The following CFAP299 variants were observed in gnomAD, a reference collection of about 807,000 sequenced individuals.
The protein encoded by CFAP299 is cilia- and flagella-associated protein 299.
In CFAP299, 21 loss-of-function variants were observed where a neutral mutation model predicts 27.0. The ratio of observed to expected loss-of-function variants is 0.78; its 90% CI spans 0.55 to 1.12. The LOEUF (loss-of-function observed/expected upper bound fraction) is 1.12, where lower values mean the gene tolerates loss of function less well. Among genes scored for constraint, CFAP299 ranks in the 50% most tolerant of loss-of-function variants. The pLI is 0.00. For missense variants in CFAP299, 310 were observed against 276.6 expected, an observed-to-expected ratio of 1.12 and a Z score of -0.86; for synonymous variants, 104 against 98.1, an observed-to-expected ratio of 1.06 and a Z score of -0.36.
At chr4:80,731,255 G>A (rs1315682919) in intron 3 of CFAP299, among the ~76,000 whole-genome samples, 33 of 152,130 alleles carry the variant, frequency 2.2e-4, no homozygotes, top group Admixed American at 1.4e-3. Context: ...AAGCTGGTAC[G>A]AGGGGGTCCC....
rs141418681 is a variant in CFAP299 at position 80,415,744 on chromosome 4, A to C, written c.242+52860A>C. Among the ~76,000 whole-genome samples, 355 of 152,284 alleles carry C rather than the reference A, an allele frequency of 2.3e-3. 2 individuals carry two copies. Among genetic ancestry groups the C allele is most frequent in the African/African-American group, 7.8e-3 (323 of 41,578 alleles). On this transcript the variant is annotated intron_variant, in intron 2 of 5. Transcript: ENST00000358105. ...AAAACAAACTAAAATCCCACTGTCC[A>C]ATTTTAGACATTTGTGAGGATGTGT...
intron 2 of CFAP299, among the ~76,000 whole-genome samples, chr4:80,452,379 G>GT (rs141847699): frequency 1.3e-5 from 2 of 151,854 alleles, no homozygotes; most frequent in Admixed American, 6.6e-5. Flanking sequence ...ATTCAAATTA[G>GT]TTTTTTTCTG....
At chr4:80,791,146 G>A (rs1414539208) in intron 3 of CFAP299, among the ~76,000 whole-genome samples, 4 of 151,750 alleles carry the variant, frequency 2.6e-5, no homozygotes, top group Non-Finnish European at 4.4e-5. Context: ...TGCTCTGATC[G>A]CAGATTTTAT....
chr4:80,696,168 G>A (rs1332203339), intron 3 of CFAP299, among the ~76,000 whole-genome samples: 1 of 151,872 alleles, frequency 6.6e-6, no homozygotes, highest in Non-Finnish European at 1.5e-5. Context: ...TGGCATGGTG[G>A]CACGCACGTG....
chr4:80,515,290 T>C (rs1732523317), intron 2 of CFAP299, among the ~76,000 whole-genome samples: 1 of 152,178 alleles, frequency 6.6e-6, no homozygotes, highest in African/African-American at 2.4e-5. Flanking sequence ...ATTACACTAA[T>C]GGTTCAGGTT....
chr4:80,678,736 AT>A (rs532506877), intron 3 of CFAP299, among the ~76,000 whole-genome samples: 7 of 151,964 alleles, frequency 4.6e-5, no homozygotes, highest in East Asian at 3.9e-4. Flanking sequence ...TTCATTCTTA[AT>A]TTTTTTTCTT....
Position 80,847,052 on chromosome 4 carries a change from T to C in CFAP299, c.334-22941T>C, listed in dbSNP as rs79714272. Among the ~76,000 whole-genome samples, 1,319 of 152,320 alleles carry C rather than the reference T, an allele frequency of 8.7e-3. 24 individuals carry two copies. Among genetic ancestry groups the C allele is most frequent in the African/African-American group, 0.03 (1,263 of 41,562 alleles). On this transcript the variant is annotated intron_variant, in intron 3 of 5. Coordinates refer to ENST00000358105, the MANE Select transcript of CFAP299 (RefSeq NM_152770.3). The stretch of plus-strand genomic sequence containing the variant: ...ATCATTTTGTTCTTGGAGTCTGAAC[T>C]GAAAACAGAACCTAGTTTCCTGCCT...
chr4:80,651,941 A>AT lies in CFAP299; in HGVS notation c.333+68766dup, dbSNP rs1342881512. 5.3e-5 allele frequency among the ~76,000 whole-genome samples: 8 copies of AT among 152,018 alleles called. No homozygotes were observed. The East Asian group carries it at 9.7e-4, about 18-fold the overall frequency. Reference sequence around the variant, plus strand: ...AGTTGAAAATGTCTTGCGGTTAATTATTTTTTTTCCAAATGAGGATATTAC... The same window carrying AT: ...AGTTGAAAATGTCTTGCGGTTAATTATTTTTTTTTCCAAATGAGGATATTAC... On this transcript the variant is annotated intron_variant, in intron 3 of 5. Transcript: ENST00000358105.
In CFAP299 at chr4:80,335,748, G is replaced by T. The variant is rs200014359; in HGVS notation, c.-21G>T. ...CCCTCCTGCTTCCGTTGCTAGGGAC[G>T]CTTCGGCCGAGGATACCGCAATGGA... On this transcript the variant is annotated 5_prime_UTR_variant, in exon 1 of 6. Transcript: ENST00000358105. 2.0e-6 allele frequency: 3 copies of T among 1,486,916 alleles called. No homozygotes were observed. The highest frequency in any genetic ancestry group is 2.8e-6 in the Non-Finnish European group (3 of 1,064,250). The allele number at this position is 1,486,916 out of a possible 1,614,324, so 92.1% of individuals were successfully genotyped here.
intron 2 of CFAP299, among the ~76,000 whole-genome samples, chr4:80,420,951 T>C (rs1727260898): frequency 6.6e-6 from 1 of 152,178 alleles, no homozygotes; most frequent in African/African-American, 2.4e-5. Context: ...TGGACTGCCC[T>C]CTTCTTGGCC....
At chr4:80,776,967 T>C (rs542305267) in intron 3 of CFAP299, among the ~76,000 whole-genome samples, 2 of 152,120 alleles carry the variant, frequency 1.3e-5, no homozygotes, top group South Asian at 2.1e-4. Flanking sequence ...TGAAATCTCT[T>C]CCACTCTAAA....
intron 2 of CFAP299, among the ~76,000 whole-genome samples, chr4:80,512,994 T>C (rs1333637369): frequency 6.6e-6 from 1 of 152,292 alleles, no homozygotes; most frequent in South Asian, 2.1e-4. Flanking sequence ...TTTCTAACTG[T>C]AACCCAAATT....
intron 3 of CFAP299, among the ~76,000 whole-genome samples, chr4:80,775,071 TAAAAAAA>T (rs369851677): frequency 7.7e-4 from 109 of 141,470 alleles, no homozygotes; most frequent in African/African-American, 2.6e-3. Context: ...AATAAAAAAA[TAAAAAAA>T]AAAGAAAAAG....
At position 80,811,054 on chromosome 4, in the gene CFAP299, A is replaced by G. The variant is rs148734649; in HGVS notation, c.334-58939A>G. On this transcript the variant is annotated intron_variant, in intron 3 of 5. Coordinates refer to ENST00000358105, the MANE Select transcript of CFAP299 (RefSeq NM_152770.3). ...ACCCTACACAGTTTATACCCTTTAC[A>G]ATAACTTCAGTAGTGTAGGTTATTA... Among the ~76,000 whole-genome samples, 127 of 152,278 alleles carry G rather than the reference A, an allele frequency of 8.3e-4. 1 individual carries two copies. The highest frequency in any genetic ancestry group is 2.9e-3 in the African/African-American group (121 of 41,568).
chr4:80,917,058 C>G (rs1735801625), intron 4 of CFAP299, among the ~76,000 whole-genome samples: 1 of 151,984 alleles, frequency 6.6e-6, no homozygotes. Context: ...TGGCGGCAAA[C>G]TGGATAGAAT....
chr4:80,692,876 A>C (rs1720823162), intron 3 of CFAP299, among the ~76,000 whole-genome samples: 1 of 152,112 alleles, frequency 6.6e-6, no homozygotes, highest in African/African-American at 2.4e-5. Flanking sequence ...CCCATCAAAA[A>C]GTGGGTGAAG....
At chr4:80,861,119 C>G (rs548856864) in intron 3 of CFAP299, among the ~76,000 whole-genome samples, 2 of 152,152 alleles carry the variant, frequency 1.3e-5, no homozygotes, top group South Asian at 2.1e-4. Context: ...CAATGGCGGG[C>G]GCCCCTCCCC....
intron 5 of CFAP299, among the ~76,000 whole-genome samples, chr4:80,956,623 C>CT (rs79920239): frequency 1.4e-3 from 198 of 141,410 alleles, no homozygotes; most frequent in Middle Eastern, 3.6e-3. Flanking sequence ...CTAAGATTTT[C>CT]TTTTTTTTTT....
chr4:80,956,549 C>G (rs1036140614), intron 5 of CFAP299, among the ~76,000 whole-genome samples: 1 of 152,092 alleles, frequency 6.6e-6, no homozygotes, highest in Admixed American at 6.5e-5. Context: ...CCCACTTCCA[C>G]CCCGGCACAT....
Sources: gnomAD v4.1 joint callset for allele counts (sites outside exome capture counted in the v4.1 genomes callset) on GRCh38, gnomAD v4.1.1 for gene constraint, MANE v1.5 for transcripts, NCBI Gene and HGNC (gene_info 2026-07-23, HGNC 2026-07-21) for gene names.